The following ME1 variants were observed in gnomAD, a reference collection of about 807,000 sequenced individuals.
ME1 encodes NADP-dependent malic enzyme.
Under a neutral mutation model 66.4 loss-of-function variants are expected in ME1, and 74 were observed. The observed-to-expected ratio is 1.11, with a 90% CI of 0.92 to 1.35. The LOEUF (loss-of-function observed/expected upper bound fraction) is 1.35, where lower values mean the gene tolerates loss of function less well. Among genes scored for constraint, ME1 ranks in the 40% most tolerant of loss-of-function variants. The pLI is 0.00. For synonymous variants in ME1, 251 were observed against 235.6 expected (o/e 1.07, Z -0.60); for missense variants, 750 against 694.1 (o/e 1.08, Z -0.90).
intron 6 of ME1, among the ~76,000 whole-genome samples, chr6:83,261,643 T>G: frequency 6.6e-6 from 1 of 151,944 alleles, no homozygotes; most frequent in East Asian, 1.9e-4. Flanking sequence ...GGGTTTCCAG[T>G]TAAACAGTGG....
At chr6:83,342,930 C>T (rs889012854) in intron 5 of ME1, among the ~76,000 whole-genome samples, 1 of 152,116 alleles carries the variant, frequency 6.6e-6, no homozygotes, top group Non-Finnish European at 1.5e-5. Context: ...GTGATCTGCC[C>T]GCCTTGGCCT....
chr6:83,374,469 T>A (rs540972114), intron 3 of ME1, among the ~76,000 whole-genome samples: 1 of 152,318 alleles, frequency 6.6e-6, no homozygotes, highest in East Asian at 1.9e-4. Flanking sequence ...TCTTGTAAAT[T>A]TAAGTTTCTT....
intron 6 of ME1, among the ~76,000 whole-genome samples, chr6:83,306,176 A>C (rs1377569297): frequency 6.6e-6 from 1 of 152,070 alleles, no homozygotes; most frequent in Non-Finnish European, 1.5e-5. Context: ...CGGATGTATC[A>C]TTCTTATTTT....
intron 1 of ME1, among the ~76,000 whole-genome samples, chr6:83,419,978 C>T (rs531437303): frequency 1.3e-5 from 2 of 152,134 alleles, no homozygotes; most frequent in Non-Finnish European, 2.9e-5. Context: ...GTGGGGAAGG[C>T]TACTTTAAAA....
chr6:83,368,501 T>G (rs1769140776), intron 3 of ME1, among the ~76,000 whole-genome samples: 1 of 152,214 alleles, frequency 6.6e-6, no homozygotes, highest in Admixed American at 6.5e-5. Context: ...GTGATTTAAA[T>G]ATTAACTATA....
In ME1 at chr6:83,430,913, G is replaced by A; in HGVS notation, c.42C>T (p.Arg14=). 4 of 1,602,326 alleles carry A rather than the reference G, an allele frequency of 2.5e-6. No individual in the cohort carries two copies. The South Asian group carries it at 3.3e-5, about 13-fold the overall frequency. ...GAGGGTTCCGTGTCAGCAGGTAGCC[G>A]CGCTGATGGGTGTGGCGGCGACGGG... ...EAPRRRHTHQ[R]GYLLTRNPHL... The change falls in exon 1 of 14, where the codon CGC becomes CGT. Residue 14 remains arginine, a synonymous_variant. Coordinates refer to ENST00000369705, the MANE Select transcript of ME1 (RefSeq NM_002395.6).
At chr6:83,340,676 G>A (rs1768562212) in intron 5 of ME1, among the ~76,000 whole-genome samples, 1 of 132,378 alleles carries the variant, frequency 7.6e-6, no homozygotes, top group South Asian at 2.3e-4. Context: ...TTCTTGTTAT[G>A]TGCTATTTTT....
chr6:83,346,114 G>T, intron 5 of ME1, 59 bp downstream of exon 5: 1 of 1,298,480 alleles, frequency 7.7e-7, no homozygotes, highest in Non-Finnish European at 1.0e-6. Flanking sequence ...AGTTCAAAAT[G>T]CAAGAATTGA....
intron 3 of ME1, among the ~76,000 whole-genome samples, chr6:83,380,912 A>G (rs1012022864): frequency 6.6e-6 from 1 of 152,162 alleles, no homozygotes; most frequent in African/African-American, 2.4e-5. Context: ...GGAATGGATC[A>G]CTGCAGTTAG....
chr6:83,343,626 AAGAG>A (rs927213548), intron 5 of ME1, among the ~76,000 whole-genome samples: 46 of 152,328 alleles, frequency 3.0e-4, no homozygotes, highest in African/African-American at 9.9e-4. Flanking sequence ...TCTTAATAAA[AAGAG>A]AGAGAAAAAG....
At chr6:83,256,270 T>C (rs1359017161) in intron 6 of ME1, among the ~76,000 whole-genome samples, 1 of 152,170 alleles carries the variant, frequency 6.6e-6, no homozygotes, top group Non-Finnish European at 1.5e-5. Context: ...ACATGAGTAC[T>C]CTATAGCCAC....
intron 6 of ME1, among the ~76,000 whole-genome samples, chr6:83,282,587 G>A (rs1445369007): frequency 3.3e-5 from 5 of 152,132 alleles, no homozygotes; most frequent in African/African-American, 9.7e-5. Flanking sequence ...TTAGAATGGC[G>A]ATCATTAAAA....
intron 6 of ME1, among the ~76,000 whole-genome samples, chr6:83,285,147 C>A (rs1474895443): frequency 6.6e-6 from 1 of 152,086 alleles, no homozygotes; most frequent in Non-Finnish European, 1.5e-5. Flanking sequence ...AATACGACAA[C>A]CTTAACCAGC....
chr6:83,265,294 T>C (rs1328786778), intron 6 of ME1, among the ~76,000 whole-genome samples: 4 of 152,078 alleles, frequency 2.6e-5, no homozygotes, highest in Non-Finnish European at 5.9e-5. Flanking sequence ...TGAGTTTTAT[T>C]TTATTTTATT....
intron 3 of ME1, among the ~76,000 whole-genome samples, chr6:83,357,625 T>G (rs545276328): frequency 2.0e-4 from 30 of 152,046 alleles, no homozygotes; most frequent in Admixed American, 2.6e-4. Flanking sequence ...TTTGAGTCGG[T>G]GGGCTGGGAA....
At chr6:83,255,330 G>T (rs1766746437) in intron 6 of ME1, among the ~76,000 whole-genome samples, 1 of 151,098 alleles carries the variant, frequency 6.6e-6, no homozygotes, top group Non-Finnish European at 1.5e-5. Flanking sequence ...TATATATATT[G>T]CAAATGGCTT....
At chr6:83,281,806 CAAAAAAAAA>C (rs140157932) in intron 6 of ME1, among the ~76,000 whole-genome samples, 12 of 13,276 alleles carry the variant, frequency 9.0e-4, no homozygotes, top group African/African-American at 3.0e-3. Flanking sequence ...ACTCTGTCTC[CAAAAAAAAA>C]AAAAAAAAAA....
Position 83,371,725 on chromosome 6 carries a change from A to G in ME1, c.363-19586T>C, listed in dbSNP as rs145183902. Among the ~76,000 whole-genome samples the G allele has an allele frequency of 1.4e-4, 21 of 152,216 alleles. No homozygotes were observed. The East Asian group carries it at 4.1e-3, about 29-fold the overall frequency. ...CTACTCTATAAACCAAATAATGCCCATTTTCCCTCAGATCTAGATCACCTC... is the reference window on the plus strand; with the variant it reads ...CTACTCTATAAACCAAATAATGCCCGTTTTCCCTCAGATCTAGATCACCTC... On this transcript the variant is annotated intron_variant, in intron 3 of 13. Transcript: ENST00000369705.
chr6:83,273,962 G>T (rs1767130962), intron 6 of ME1, among the ~76,000 whole-genome samples: 1 of 152,026 alleles, frequency 6.6e-6, no homozygotes, highest in South Asian at 2.1e-4. Flanking sequence ...TGCTTATCTT[G>T]CTTGATTCAC....
Sources: gnomAD v4.1 joint callset for allele counts (sites outside exome capture counted in the v4.1 genomes callset) on GRCh38, gnomAD v4.1.1 for gene constraint, MANE v1.5 for transcripts, NCBI Gene and HGNC (gene_info 2026-07-23, HGNC 2026-07-21) for gene names.